NCKAP5: variants seen among roughly 807,000 people sequenced by gnomAD.
The protein encoded by NCKAP5 is NCK associated protein 5.
NCKAP5 carries 92 observed loss-of-function variants against 167.0 expected under a neutral mutation model. The ratio of observed to expected loss-of-function variants is 0.55; its 90% CI spans 0.47 to 0.66. The LOEUF (loss-of-function observed/expected upper bound fraction) is 0.66. Among genes scored for constraint, NCKAP5 ranks in the 30% least tolerant of loss-of-function variants. NCKAP5 has a pLI of 0.00. For synonymous variants in NCKAP5, 891 were observed against 877.4 expected (o/e 1.02, Z -0.27); for missense variants, 2,378 against 2,315.0 (o/e 1.03, Z -0.56).
intron 3 of NCKAP5, among the ~76,000 whole-genome samples, chr2:133,482,434 T>C (rs572945291): frequency 1.8e-4 from 27 of 152,238 alleles, no homozygotes; most frequent in Non-Finnish European, 3.5e-4. Context: ...CCCAAAGTGG[T>C]CTCAAACTCC....
intron 11 of NCKAP5, among the ~76,000 whole-genome samples, chr2:132,800,620 T>C (rs1432733650): frequency 6.6e-6 from 1 of 152,116 alleles, no homozygotes; most frequent in East Asian, 1.9e-4. Context: ...CCTGTCTGAG[T>C]TGATCTTTTG....
chr2:132,698,554 G>A (rs111529839), intron 19 of NCKAP5, among the ~76,000 whole-genome samples: 1 of 152,170 alleles, frequency 6.6e-6, no homozygotes, highest in Non-Finnish European at 1.5e-5. Context: ...GCAAATTGTG[G>A]CCGGGAGCTG....
chr2:132,972,273 T>G (rs917401213), intron 7 of NCKAP5, among the ~76,000 whole-genome samples: 2 of 152,222 alleles, frequency 1.3e-5, no homozygotes, highest in African/African-American at 2.4e-5. Context: ...TGGGGCTCAC[T>G]ATCTTATGAT....
rs201788080 is a variant in NCKAP5, at chr2:133,199,372, A to C, written c.207+14344T>G. Among the ~76,000 whole-genome samples, 7 of 152,154 alleles carry C rather than the reference A, an allele frequency of 4.6e-5. No homozygotes were observed. The East Asian group carries it at 1.4e-3, about 29-fold the overall frequency. On this transcript the variant is annotated intron_variant, in intron 5 of 19. Coordinates refer to ENST00000409261, the MANE Select transcript of NCKAP5 (RefSeq NM_207363.3). ...AAGAGACTTATATTCAAAATATGTA[A>C]AGAACTCATACCACTCAATGATTTC...
chr2:133,470,618 C>G (rs184619737), intron 3 of NCKAP5, among the ~76,000 whole-genome samples: 4 of 152,316 alleles, frequency 2.6e-5, no homozygotes, highest in Admixed American at 6.5e-5. Context: ...GCCTCGCTGC[C>G]GCCTTGCAGT....
chr2:133,642,015 T>C, the NCKAP5 span, among the ~76,000 whole-genome samples: 1 of 152,158 alleles, frequency 6.6e-6, no homozygotes. Flanking sequence ...GGCTGGATAG[T>C]ACAAGATTGG....
At chr2:133,519,221 C>T (rs535542078) in intron 2 of NCKAP5, among the ~76,000 whole-genome samples, 3 of 152,324 alleles carry the variant, frequency 2.0e-5, no homozygotes, top group African/African-American at 7.2e-5. Flanking sequence ...CCTCCTCCAT[C>T]TTAGTCATTT....
chr2:133,188,238 C>T (rs1008988638), intron 5 of NCKAP5, among the ~76,000 whole-genome samples: 15 of 151,940 alleles, frequency 9.9e-5, no homozygotes, highest in South Asian at 2.1e-4. Context: ...GCTAACTATC[C>T]TAAATATATA....
At chr2:133,171,223 A>T (rs752661581) in intron 5 of NCKAP5, among the ~76,000 whole-genome samples, 9 of 152,136 alleles carry the variant, frequency 5.9e-5, no homozygotes, top group Non-Finnish European at 1.2e-4. Flanking sequence ...ACAAAAGGAG[A>T]CAGTTGTTTT....
intron 10 of NCKAP5, among the ~76,000 whole-genome samples, chr2:132,861,930 A>G (rs1403984669): frequency 6.6e-6 from 1 of 152,258 alleles, no homozygotes; most frequent in Non-Finnish European, 1.5e-5. Flanking sequence ...GCACAATGCC[A>G]CACATAGTAG....
rs187318071 is a variant in NCKAP5, at chr2:132,908,396, C to T, written c.580-29480G>A. ...ATTTCTCTCTTGAAATGCAAGTATC[C>T]AGAATCAAATCCTTTAGGATGTGGT... On this transcript the variant is annotated intron_variant, in intron 8 of 19. Transcript: ENST00000409261. Among the ~76,000 whole-genome samples, 8 of 152,196 alleles carry T rather than the reference C, an allele frequency of 5.3e-5. No individual in the cohort carries two copies. In the East Asian group the frequency reaches 1.5e-3, roughly 29 times the overall value.
intron 6 of NCKAP5, among the ~76,000 whole-genome samples, chr2:133,029,606 C>T (rs1223464730): frequency 6.6e-6 from 1 of 152,162 alleles, no homozygotes; most frequent in Non-Finnish European, 1.5e-5. Flanking sequence ...CGGACACCTG[C>T]AATCAGTCAA....
rs538037985 is a variant in NCKAP5, at chr2:132,858,689, C to T, written c.807+1803G>A. On this transcript the variant is annotated intron_variant, in intron 11 of 19. Transcript: ENST00000409261. ...AATATTATTTAAATTAGAATGGCTC[C>T]TGGAGGGAGTACTATTTGGGGAGAA... Among the ~76,000 whole-genome samples, 209 of 152,244 alleles carry T rather than the reference C, an allele frequency of 1.4e-3. 1 individual carries two copies. The highest frequency in any genetic ancestry group is 4.7e-3 in the African/African-American group (197 of 41,530).
intron 16 of NCKAP5, among the ~76,000 whole-genome samples, chr2:132,754,511 T>C (rs1436733679): frequency 6.6e-6 from 1 of 152,200 alleles, no homozygotes; most frequent in Non-Finnish European, 1.5e-5. Flanking sequence ...AATAACCAAC[T>C]AAGCTTCCCA....
chr2:133,299,412 T>A (rs934544630), intron 4 of NCKAP5, among the ~76,000 whole-genome samples: 11 of 152,010 alleles, frequency 7.2e-5, no homozygotes, highest in African/African-American at 2.7e-4. Context: ...GCCATCTCTG[T>A]GTACAGAGAG....
At chr2:132,758,340 G>C (rs1053133823) in intron 16 of NCKAP5, among the ~76,000 whole-genome samples, 1 of 151,958 alleles carries the variant, frequency 6.6e-6, no homozygotes, top group Non-Finnish European at 1.5e-5. Context: ...TAGATTATAG[G>C]GTTTTTGTAA....
intron 3 of NCKAP5, among the ~76,000 whole-genome samples, chr2:133,337,969 T>C (rs566572472): frequency 4.6e-5 from 7 of 152,348 alleles, no homozygotes; most frequent in Non-Finnish European, 7.4e-5. Flanking sequence ...ATATGGGCTA[T>C]ACTCAGATAT....
intron 3 of NCKAP5, among the ~76,000 whole-genome samples, chr2:133,329,593 G>A (rs1015165780): frequency 2.0e-5 from 3 of 152,138 alleles, no homozygotes; most frequent in Admixed American, 6.5e-5. Flanking sequence ...CTTAGCAAAT[G>A]AGCAGACTAT....
At chr2:133,146,364 T>C (rs983066226) in intron 5 of NCKAP5, among the ~76,000 whole-genome samples, 20 of 152,032 alleles carry the variant, frequency 1.3e-4, no homozygotes, top group Non-Finnish European at 2.6e-4. Context: ...AGGGGTGGTA[T>C]AACATGTAAA....
Sources: gnomAD v4.1 joint callset for allele counts (sites outside exome capture counted in the v4.1 genomes callset) on GRCh38, gnomAD v4.1.1 for gene constraint, MANE v1.5 for transcripts, NCBI Gene and HGNC (gene_info 2026-07-23, HGNC 2026-07-21) for gene names.